The following STK33 variants were observed in gnomAD, a reference collection of about 807,000 sequenced individuals.
STK33 encodes the protein serine/threonine-protein kinase 33.
Under a neutral mutation model 58.0 loss-of-function variants are expected in STK33, and 52 were observed. The ratio of observed to expected loss-of-function variants is 0.90; its 90% CI spans 0.72 to 1.13. The LOEUF (loss-of-function observed/expected upper bound fraction) is 1.13. Among genes scored for constraint, STK33 ranks in the 50% most tolerant of loss-of-function variants. The pLI is 0.00. For missense variants in STK33, 630 were observed against 604.2 expected, an observed-to-expected ratio of 1.04 and a Z score of -0.45; for synonymous variants, 215 against 200.1, an observed-to-expected ratio of 1.07 and a Z score of -0.63.
At chr11:8,471,985 G>A (rs1323300268) in intron 6 of STK33, among the ~76,000 whole-genome samples, 2 of 152,226 alleles carry the variant, frequency 1.3e-5, no homozygotes, top group East Asian at 1.9e-4. Context: ...GAATGCAGTG[G>A]TATGATCATA....
chr11:8,569,488 T>A (rs1032692655), intron 1 of STK33, among the ~76,000 whole-genome samples: 1 of 152,250 alleles, frequency 6.6e-6, no homozygotes, highest in Middle Eastern at 3.4e-3. Flanking sequence ...TACACACAAA[T>A]GCAAAAGCTA....
chr11:8,458,301 C>G (rs1947118892), intron 8 of STK33, among the ~76,000 whole-genome samples: 1 of 151,688 alleles, frequency 6.6e-6, no homozygotes, highest in Admixed American at 6.6e-5. Flanking sequence ...AACAACACAA[C>G]AAAACTTTAC....
In STK33 at chr11:8,435,568, A is replaced by G; in HGVS notation, c.1072T>C (p.Leu358=). 1 of 1,503,336 alleles carries G rather than the reference A, an allele frequency of 6.7e-7. No individual in the cohort carries two copies. Among genetic ancestry groups the G allele is most frequent in the Non-Finnish European group, 9.0e-7 (1 of 1,117,106 alleles). 93.1% of individuals were successfully genotyped at this position (1,503,336 alleles called of 1,614,324 possible). A position where few individuals can be genotyped will look rare whatever the true frequency, so the allele number is the denominator to read the frequency against. The change falls in exon 14 of 16, where the codon TTG becomes CTG. Residue 358 remains leucine (L), a synonymous_variant. Coordinates refer to ENST00000687296, the MANE Select transcript of STK33 (RefSeq NM_001352389.2). ...NSISDCAKSV[L]KQLMKVDPAH... is the part of the protein sequence containing the mutation. Reference sequence around the variant, plus strand: ...GGATCTACTTTCATAAGTTGTTTCAAAACACTTTTAGCTAAAAATAAGAAA... The same window carrying G: ...GGATCTACTTTCATAAGTTGTTTCAGAACACTTTTAGCTAAAAATAAGAAA...
intron 2 of STK33, among the ~76,000 whole-genome samples, chr11:8,478,108 C>A (rs931311991): frequency 2.6e-5 from 4 of 152,044 alleles, no homozygotes; most frequent in African/African-American, 7.2e-5. Flanking sequence ...ACATTTATTT[C>A]TTTCTCATTT....
intron 1 of STK33, among the ~76,000 whole-genome samples, chr11:8,520,034 C>T (rs1440056986): frequency 6.6e-6 from 1 of 152,028 alleles, no homozygotes; most frequent in African/African-American, 2.4e-5. Context: ...GGCAGAGACA[C>T]AACAAAAAAA....
downstream of STK33, among the ~76,000 whole-genome samples, chr11:8,387,760 G>A (rs1345756097): frequency 6.6e-6 from 1 of 152,178 alleles, no homozygotes; most frequent in East Asian, 1.9e-4. Flanking sequence ...CTTCCTCAGG[G>A]TCCAGTGAGG....
chr11:8,501,037 A>T (rs549531251), intron 1 of STK33, among the ~76,000 whole-genome samples: 1 of 152,328 alleles, frequency 6.6e-6, no homozygotes, highest in Admixed American at 6.5e-5. Context: ...CATATACAAA[A>T]CTTAACTCAA....
At chr11:8,384,407 C>T in the STK33 span, among the ~76,000 whole-genome samples, 1 of 152,184 alleles carries the variant, frequency 6.6e-6, no homozygotes, top group South Asian at 2.1e-4. Flanking sequence ...AACTCCCTTT[C>T]TTTGGAGGAG....
chr11:8,357,693 G>C, the STK33 span, among the ~76,000 whole-genome samples: 17 of 152,222 alleles, frequency 1.1e-4, no homozygotes, highest in Admixed American at 9.8e-4. Context: ...ACTAGGAGAA[G>C]GCTGGGGAAG....
At chr11:8,524,619 G>C (rs1297622645) in intron 1 of STK33, among the ~76,000 whole-genome samples, 2 of 152,034 alleles carry the variant, frequency 1.3e-5, no homozygotes, top group African/African-American at 4.8e-5. Flanking sequence ...TTTTTATTCA[G>C]AAGTTTGATA....
the STK33 span, among the ~76,000 whole-genome samples, chr11:8,358,759 A>T: frequency 6.6e-6 from 1 of 152,382 alleles, no homozygotes; most frequent in Middle Eastern, 3.4e-3. Context: ...ATAGGAAGCC[A>T]TGAATCCATA....
At chr11:8,585,345 C>A (rs1277706795) in intron 1 of STK33, among the ~76,000 whole-genome samples, 1 of 150,498 alleles carries the variant, frequency 6.6e-6, no homozygotes, top group Non-Finnish European at 1.5e-5. Context: ...CTGCCTCAAC[C>A]TCCTGAGTAG....
At chr11:8,335,427 T>A in the STK33 span, among the ~76,000 whole-genome samples, 1 of 152,194 alleles carries the variant, frequency 6.6e-6, no homozygotes, top group Non-Finnish European at 1.5e-5. Context: ...GGCCATTGGC[T>A]CCTGGTACTA....
chr11:8,435,962 C>A, intron 13 of STK33, 65 bp downstream of exon 13: 1 of 958,518 alleles, frequency 1.0e-6, no homozygotes, highest in Admixed American at 3.0e-5. Context: ...AACATTTTAA[C>A]CACAGGCCAA....
the STK33 span, among the ~76,000 whole-genome samples, chr11:8,336,895 C>T: frequency 5.9e-5 from 9 of 152,358 alleles, no homozygotes; most frequent in Middle Eastern, 3.4e-3. Context: ...GGCCACTAAG[C>T]CCCGAGGCCG....
At chr11:8,420,982 GAA>G (rs962412279) in intron 14 of STK33, among the ~76,000 whole-genome samples, 3 of 132,002 alleles carry the variant, frequency 2.3e-5, no homozygotes, top group Non-Finnish European at 3.2e-5. Flanking sequence ...GGCCCTGTCT[GAA>G]AAAAAAAAAG....
intron 10 of STK33, 27 bp from the exon 11 acceptor site, chr11:8,452,933 AC>A (rs775135314): frequency 2.4e-5 from 38 of 1,598,664 alleles, no homozygotes; most frequent in Non-Finnish European, 3.2e-5. Context: ...AAGCACAGTC[AC>A]CTGTTTTCCT....
chr11:8,511,856 G>C (rs898744753), intron 1 of STK33, among the ~76,000 whole-genome samples: 3 of 152,074 alleles, frequency 2.0e-5, no homozygotes, highest in Non-Finnish European at 2.9e-5. Flanking sequence ...TTTTTGGTAT[G>C]CTGTTTGATT....
intron 6 of STK33, among the ~76,000 whole-genome samples, chr11:8,468,377 C>T (rs1257295708): frequency 2.0e-5 from 3 of 152,198 alleles, no homozygotes; most frequent in African/African-American, 4.8e-5. Context: ...CAAACCATAT[C>T]ACCATGCAAC....
Sources: gnomAD v4.1 joint callset for allele counts (sites outside exome capture counted in the v4.1 genomes callset) on GRCh38, gnomAD v4.1.1 for gene constraint, MANE v1.5 for transcripts, NCBI Gene and HGNC (gene_info 2026-07-23, HGNC 2026-07-21) for gene names.